Variants in ANKRD30A observed in about 807,000 individuals in gnomAD.
ANKRD30A encodes ankyrin repeat domain-containing protein 30A.
A neutral mutation model predicts 166.3 loss-of-function variants in ANKRD30A; 170 were observed. The observed-to-expected ratio is 1.02, with a 90% CI of 0.90 to 1.16. ANKRD30A has a LOEUF of 1.16. Among genes scored for constraint, ANKRD30A ranks in the 50% most tolerant of loss-of-function variants. ANKRD30A has a pLI of 0.00. For synonymous variants in ANKRD30A, 564 were observed against 508.9 expected (o/e 1.11, Z -1.46); for missense variants, 1,630 against 1,518.0 (o/e 1.07, Z -1.23).
chr10:37,252,141 G>A, the ANKRD30A span, among the ~76,000 whole-genome samples: 1 of 152,130 alleles, frequency 6.6e-6, no homozygotes, highest in Non-Finnish European at 1.5e-5. Context: ...TTTTAAAAAG[G>A]AAGTTTTCAG....
At chr10:37,171,468 G>A (rs1254410451) in intron 21 of ANKRD30A, among the ~76,000 whole-genome samples, 1 of 150,938 alleles carries the variant, frequency 6.6e-6, no homozygotes, top group African/African-American at 2.5e-5. Context: ...ATTGTGACAT[G>A]TCATGAGTCT....
chr10:37,213,136 A>G (rs749365425), intron 31 of ANKRD30A, among the ~76,000 whole-genome samples: 2 of 151,604 alleles, frequency 1.3e-5, no homozygotes, highest in Non-Finnish European at 2.9e-5. Flanking sequence ...TCCATCTCTG[A>G]TGTTTTAGTT....
At position 37,211,399 on chromosome 10, in the gene ANKRD30A, T is replaced by G. The variant is rs186172828; in HGVS notation, c.2870-4782T>G. ...ACATGTGGTGTTTGGTTTTCTGTTC[T>G]TGTGCTAGTTTGCTGAGAATGATGG... is the stretch of plus-strand genomic sequence containing the variant. On this transcript the variant is annotated intron_variant, in intron 31 of 35. Coordinates refer to ENST00000361713, the MANE Select transcript of ANKRD30A (RefSeq NM_052997.3). Among the ~76,000 whole-genome samples, 2 of 152,004 alleles carry G rather than the reference T, an allele frequency of 1.3e-5. 1 individual carries two copies. Among genetic ancestry groups the G allele is most frequent in the South Asian group, 4.1e-4 (2 of 4,834 alleles).
intron 15 of ANKRD30A, among the ~76,000 whole-genome samples, chr10:37,158,954 T>C (rs1441641105): frequency 6.6e-6 from 1 of 152,194 alleles, no homozygotes; most frequent in Non-Finnish European, 1.5e-5. Flanking sequence ...AAGTTTCACT[T>C]GCTGACATGA....
At chr10:37,243,157 C>T in the ANKRD30A span, among the ~76,000 whole-genome samples, 6 of 138,858 alleles carry the variant, frequency 4.3e-5, no homozygotes, top group Admixed American at 2.2e-4. Flanking sequence ...TTTTTTGAGA[C>T]GGAGTCTCGC....
intron 19 of ANKRD30A, among the ~76,000 whole-genome samples, chr10:37,167,524 G>T (rs946162985): frequency 5.3e-5 from 8 of 151,528 alleles, no homozygotes; most frequent in African/African-American, 1.9e-4. Flanking sequence ...GTTATTCGTA[G>T]GTATTTTACT....
intron 29 of ANKRD30A, among the ~76,000 whole-genome samples, chr10:37,198,238 A>AT (rs1033553714): frequency 6.6e-6 from 1 of 152,002 alleles, no homozygotes; most frequent in Non-Finnish European, 1.5e-5. Context: ...AATATGTACA[A>AT]TTTTTTTCAA....
At chr10:37,227,640 T>G (rs886116418) in intron 34 of ANKRD30A, among the ~76,000 whole-genome samples, 3 of 152,000 alleles carry the variant, frequency 2.0e-5, no homozygotes, top group South Asian at 4.1e-4. Flanking sequence ...CATGGCCAGC[T>G]TATGCACTGC....
chr10:37,162,913 C>A (rs796500686), intron 17 of ANKRD30A, 65 bp downstream of exon 17: 20 of 1,567,062 alleles, frequency 1.3e-5, no homozygotes, highest in Non-Finnish European at 1.5e-5. Flanking sequence ...GATGGTCTTT[C>A]TGTACCCAAT....
the ANKRD30A span, among the ~76,000 whole-genome samples, chr10:37,238,004 T>C: frequency 1.3e-5 from 2 of 152,164 alleles, no homozygotes; most frequent in African/African-American, 4.8e-5. Context: ...AAGTTTATAC[T>C]TGAAAATATG....
intron 31 of ANKRD30A, among the ~76,000 whole-genome samples, chr10:37,203,164 C>A (rs369137123): frequency 6.6e-6 from 1 of 152,128 alleles, no homozygotes; most frequent in Non-Finnish European, 1.5e-5. Flanking sequence ...ATACCAAAGC[C>A]TGGCAGAGAC....
At chr10:37,136,092 A>T (rs1225725384) in intron 5 of ANKRD30A, among the ~76,000 whole-genome samples, 3 of 140,184 alleles carry the variant, frequency 2.1e-5, no homozygotes, top group Non-Finnish European at 4.7e-5. Context: ...GCACCAGGCC[A>T]ACACATTGGG....
In ANKRD30A at chr10:37,219,701, A is replaced by G. The variant is rs1170378466; in HGVS notation, c.3989A>G (p.Asn1330Ser). 3.1e-6 allele frequency: 5 copies of G among 1,609,492 alleles called. No homozygotes were observed. The highest frequency in any genetic ancestry group is 4.2e-6 in the Non-Finnish European group (5 of 1,177,196). ...DQKLFQLQSK[N>S]MWLQQQLVHA... ...AAATTATTTCAACTACAAAGCAAAA[A>G]TATGTGGCTTCAACAGCAATTAGTT... The change falls in exon 34 of 36, where the codon AAT becomes AGT. Residue 1330 changes from asparagine to serine, a missense_variant. By Grantham distance (46) the Asn-to-Ser change is conservative. This residue lies in a region of ANKRD30A where 712 missense variants were observed against 629.3 expected (regional missense o/e 1.13). Transcript: ENST00000361713.
rs1842814151 is a variant in ANKRD30A, at chr10:37,219,991, A to G, written c.4185+94A>G. ...GGCTAAATGCTGAATCTAGTTGAAT[A>G]TATATATATATATATATATATATAT... On this transcript the variant is annotated intron_variant, in intron 34 of 35. Coordinates refer to ENST00000361713, the MANE Select transcript of ANKRD30A (RefSeq NM_052997.3). The G allele has an allele frequency of 9.5e-4, 4 of 4,208 alleles. No individual in the cohort carries two copies. In the South Asian group the frequency reaches 0.14, roughly 143 times the overall value. The allele number at this position is 4,208 out of a possible 1,614,324, so 0.3% of individuals were successfully genotyped here. A position where few individuals can be genotyped will look rare whatever the true frequency, so the allele number is the denominator to read the frequency against.
the ANKRD30A span, among the ~76,000 whole-genome samples, chr10:37,244,657 C>T: frequency 6.6e-6 from 1 of 152,226 alleles, no homozygotes; most frequent in Non-Finnish European, 1.5e-5. Context: ...TCACCCCATG[C>T]TTTCTCAGAT....
Position 37,152,112 on chromosome 10 carries a change from G to T in ANKRD30A, c.1698G>T (p.Trp566Cys). ...AAAAGGACTATGAAGAAAATTCTTG[G>T]GATTCTGAGGTACTATGTGTTATTG... ...SKQKDYEENS[W>C]DSESLCETVS... Residue 566 changes from tryptophan (W) to cysteine (C), a missense_variant, in exon 12 of 36, where the codon TGG (tryptophan) becomes TGT (cysteine). Trp to Cys is a radical substitution (Grantham distance 215, BLOSUM62 -2). Around this residue, in one of 4 missense-constraint regions of ANKRD30A, gnomAD observed 904 missense variants for 818.5 expected, o/e 1.10. Transcript: ENST00000361713. 1 of 1,606,376 alleles carries T rather than the reference G, an allele frequency of 6.2e-7. No individual in the cohort carries two copies. The highest frequency in any genetic ancestry group is 8.5e-7 in the Non-Finnish European group (1 of 1,174,946).
At chr10:37,228,078 A>G (rs1441917086) in intron 34 of ANKRD30A, among the ~76,000 whole-genome samples, 1 of 151,984 alleles carries the variant, frequency 6.6e-6, no homozygotes, top group Non-Finnish European at 1.5e-5. Context: ...GTCAAGATGC[A>G]CAGCTATATT....
chr10:37,199,438 T>C (rs962348744), intron 29 of ANKRD30A, among the ~76,000 whole-genome samples: 1 of 152,056 alleles, frequency 6.6e-6, no homozygotes, highest in African/African-American at 2.4e-5. Context: ...GGATATACCT[T>C]GTTTCAGAGT....
chr10:37,245,373 C>G, the ANKRD30A span, among the ~76,000 whole-genome samples: 4 of 152,102 alleles, frequency 2.6e-5, no homozygotes, highest in Non-Finnish European at 5.9e-5. Context: ...TATACACATA[C>G]CATCTGTAAA....
Sources: gnomAD v4.1 joint callset for allele counts (sites outside exome capture counted in the v4.1 genomes callset) on GRCh38, gnomAD v4.1.1 for gene constraint, gnomAD v4.1.1 regional missense constraint, MANE v1.5 for transcripts, NCBI Gene and HGNC (gene_info 2026-07-23, HGNC 2026-07-21) for gene names.